PIP5K1B: variants seen among roughly 807,000 people sequenced by gnomAD.
PIP5K1B encodes phosphatidylinositol-4-phosphate 5-kinase type 1 beta, also known as phosphatidylinositol 4-phosphate 5-kinase type-1 beta.
Under a neutral mutation model 67.0 loss-of-function variants are expected in PIP5K1B, and 42 were observed. The observed-to-expected ratio is 0.63, with a 90% CI of 0.49 to 0.81. PIP5K1B has a LOEUF of 0.81. Ranked by LOEUF, PIP5K1B falls within the 30% of genes least tolerant of loss-of-function variation. PIP5K1B has a pLI of 0.00. For synonymous variants in PIP5K1B, 214 were observed against 231.4 expected (o/e 0.92, Z 0.68); for missense variants, 459 against 646.3 (o/e 0.71, Z 3.14).
rs562014404 is a variant in PIP5K1B at position 68,908,172 on chromosome 9, G to A, written c.772-9376G>A. Among the ~76,000 whole-genome samples the A allele has an allele frequency of 3.3e-5, 5 of 152,152 alleles. No individual in the cohort carries two copies. In the East Asian group the frequency reaches 9.7e-4, roughly 29 times the overall value. On this transcript the variant is annotated intron_variant, in intron 8 of 15. Coordinates refer to ENST00000265382, the MANE Select transcript of PIP5K1B (RefSeq NM_003558.4). ...AATGAAGTAAATCATTCATAGTAAAGCCAACAAGAAGATATATCATATAAT... is the reference window on the plus strand; with the variant it reads ...AATGAAGTAAATCATTCATAGTAAAACCAACAAGAAGATATATCATATAAT...
intron 3 of PIP5K1B, among the ~76,000 whole-genome samples, chr9:68,822,034 C>T (rs1833754956): frequency 6.6e-6 from 1 of 152,066 alleles, no homozygotes; most frequent in Non-Finnish European, 1.5e-5. Context: ...ATAAATATGA[C>T]AAAATGTGAA....
At chr9:68,745,785 T>C (rs1197529096) in intron 2 of PIP5K1B, among the ~76,000 whole-genome samples, 2 of 152,228 alleles carry the variant, frequency 1.3e-5, no homozygotes, top group Non-Finnish European at 2.9e-5. Context: ...CCCACCTAAG[T>C]AGATCTCCCC....
At chr9:68,790,497 T>C (rs1480995184) in intron 2 of PIP5K1B, among the ~76,000 whole-genome samples, 1 of 152,220 alleles carries the variant, frequency 6.6e-6, no homozygotes, top group East Asian at 1.9e-4. Flanking sequence ...GTTCTATATG[T>C]AGCTTGTTTG....
At chr9:68,741,558 T>G (rs954984153) in intron 1 of PIP5K1B, 2 of 152,228 alleles carry the variant, frequency 1.3e-5, no homozygotes, top group African/African-American at 4.8e-5. Flanking sequence ...TATTAGCATG[T>G]GACCAAACAG....
In PIP5K1B at chr9:68,750,853, G is replaced by A. The variant is rs112271603; in HGVS notation, c.-86+8196G>A. Among the ~76,000 whole-genome samples the A allele has an allele frequency of 3.9e-5, 6 of 152,226 alleles. 1 individual carries two copies. The highest frequency in any genetic ancestry group is 1.4e-4 in the African/African-American group (6 of 41,532). On this transcript the variant is annotated intron_variant, in intron 2 of 15. Transcript: ENST00000265382. ...GGGGACAGTTTTTAATCCTTTCATGGGGATAATGAAAATATCTTTGACATG... is the reference window on the plus strand; with the variant it reads ...GGGGACAGTTTTTAATCCTTTCATGAGGATAATGAAAATATCTTTGACATG...
Position 68,863,817 on chromosome 9 carries a change from G to T in PIP5K1B, c.70-20G>T. 2 of 1,611,996 alleles carry T rather than the reference G, an allele frequency of 1.2e-6. No homozygotes were observed. On this transcript the variant is annotated intron_variant, in intron 4 of 15. Coordinates refer to ENST00000265382, the MANE Select transcript of PIP5K1B (RefSeq NM_003558.4). ...CCCTGACTGTTAAGACTAATGTTGA[G>T]ACCCTTGTTTTCTTTGCAGACTGCA...
chr9:68,714,912 C>T (rs1827561048), intron 1 of PIP5K1B, among the ~76,000 whole-genome samples: 2 of 152,206 alleles, frequency 1.3e-5, no homozygotes, highest in South Asian at 4.1e-4. Context: ...CCAAAGACTG[C>T]TCTACTTCCA....
intron 14 of PIP5K1B, chr9:68,966,508 A>G (rs1327907044): frequency 6.6e-6 from 1 of 152,270 alleles, no homozygotes; most frequent in Non-Finnish European, 1.5e-5. Flanking sequence ...AACCATGAGA[A>G]AAACATCAAG....
chr9:68,793,323 T>A (rs896667705), intron 2 of PIP5K1B, among the ~76,000 whole-genome samples: 1 of 152,126 alleles, frequency 6.6e-6, no homozygotes, highest in Non-Finnish European at 1.5e-5. Flanking sequence ...ATGATCTGTC[T>A]TAGATTTTAA....
chr9:68,936,848 A>G (rs1827288821), intron 13 of PIP5K1B, among the ~76,000 whole-genome samples: 1 of 152,196 alleles, frequency 6.6e-6, no homozygotes, highest in Admixed American at 6.5e-5. Context: ...CTGATAGCAC[A>G]TGCAAAACTG....
At chr9:68,855,549 C>T (rs544879067) in intron 4 of PIP5K1B, among the ~76,000 whole-genome samples, 1 of 152,286 alleles carries the variant, frequency 6.6e-6, no homozygotes, top group African/African-American at 2.4e-5. Flanking sequence ...GGTAAAGTGA[C>T]TTCAGTCCTC....
chr9:68,807,053 A>G (rs999108745), intron 2 of PIP5K1B, among the ~76,000 whole-genome samples: 5 of 152,072 alleles, frequency 3.3e-5, no homozygotes, highest in Non-Finnish European at 7.4e-5. Context: ...GCCAAGTAAA[A>G]GTATTAACTC....
chr9:68,758,259 T>G (rs1441203513), intron 2 of PIP5K1B, among the ~76,000 whole-genome samples: 2 of 152,236 alleles, frequency 1.3e-5, no homozygotes, highest in Non-Finnish European at 2.9e-5. Flanking sequence ...TTATCCATTT[T>G]TATGAGGAAA....
intron 1 of PIP5K1B, among the ~76,000 whole-genome samples, chr9:68,729,267 A>G (rs1828300336): frequency 6.6e-6 from 1 of 152,208 alleles, no homozygotes; most frequent in Admixed American, 6.5e-5. Flanking sequence ...TCATGTTCTT[A>G]TAATATCCTT....
At chr9:68,754,260 C>T (rs943799453) in intron 2 of PIP5K1B, among the ~76,000 whole-genome samples, 1 of 146,502 alleles carries the variant, frequency 6.8e-6, no homozygotes, top group African/African-American at 2.5e-5. Flanking sequence ...AGCTCCACCC[C>T]CCGGGTTCAC....
chr9:68,998,995 G>T (rs759933497), intron 15 of PIP5K1B, among the ~76,000 whole-genome samples: 1 of 152,192 alleles, frequency 6.6e-6, no homozygotes, highest in Middle Eastern at 3.2e-3. Context: ...CCGGATGTCT[G>T]AAATCAAGGT....
At chr9:68,964,568 T>A (rs1031022727) in intron 14 of PIP5K1B, among the ~76,000 whole-genome samples, 3 of 152,228 alleles carry the variant, frequency 2.0e-5, no homozygotes, top group African/African-American at 7.2e-5. Context: ...GAGCCTGGCA[T>A]GTCAGCTCAG....
chr9:68,839,055 GAGTT>G (rs1821776654), intron 4 of PIP5K1B, among the ~76,000 whole-genome samples: 1 of 152,160 alleles, frequency 6.6e-6, no homozygotes, highest in Admixed American at 6.5e-5. Context: ...ATTATCTTAA[GAGTT>G]AGTGCTTTTT....
chr9:68,958,019 T>A (rs1391195273), intron 14 of PIP5K1B, among the ~76,000 whole-genome samples: 1 of 152,066 alleles, frequency 6.6e-6, no homozygotes, highest in Admixed American at 6.6e-5. Flanking sequence ...ACTACAGGCA[T>A]GCACCACCAT....
Sources: allele counts gnomAD v4.1 joint callset (sites outside exome capture counted in the v4.1 genomes callset), GRCh38; gene constraint gnomAD v4.1.1; transcripts MANE v1.5; gene names NCBI Gene and HGNC (gene_info 2026-07-23, HGNC 2026-07-21).